Variants in PMCH observed in about 807,000 individuals in gnomAD.
The protein encoded by PMCH is pro-MCH.
In PMCH, 8 loss-of-function variants were observed where a neutral mutation model predicts 15.9. The observed-to-expected ratio is 0.50, with a 90% confidence interval of 0.29 to 0.91. The LOEUF (loss-of-function observed/expected upper bound fraction) is 0.91, where lower values mean the gene tolerates loss of function less well. PMCH is among the 40% of genes least tolerant of loss of function. PMCH has a pLI of 0.07. For missense variants in PMCH, 169 were observed against 185.7 expected, an observed-to-expected ratio of 0.91 and a Z score of 0.52; for synonymous variants, 73 against 63.8, an observed-to-expected ratio of 1.14 and a Z score of -0.69.
intron 2 of PMCH, 86 bp downstream of exon 2, chr12:102,196,887 T>G: frequency 8.2e-7 from 1 of 1,218,346 alleles, no homozygotes; most frequent in Non-Finnish European, 1.2e-6. Flanking sequence ...TTGATTTTGT[T>G]ATGATTGCAT....
Position 102,196,499 on chromosome 12 carries a change from A to G in PMCH, c.*153T>C. On this transcript the variant is annotated 3_prime_UTR_variant, in exon 3 of 3. Transcript: ENST00000329406. ...ACAAAGTTTAATGCACAGAGAAAGCATATCATTTCAGTTACTGATACATCT... is the reference window on the plus strand; with the variant it reads ...ACAAAGTTTAATGCACAGAGAAAGCGTATCATTTCAGTTACTGATACATCT... 1 of 744,838 alleles carries G rather than the reference A, an allele frequency of 1.3e-6. No homozygotes were observed. Among genetic ancestry groups the G allele is most frequent in the Non-Finnish European group, 2.3e-6 (1 of 426,278 alleles). The allele number at this position is 744,838 out of a possible 1,614,324, so 46.1% of individuals were successfully genotyped here.
In PMCH at chr12:102,197,153, T is replaced by G; in HGVS notation, c.268A>C (p.Asn90His). The G allele has an allele frequency of 6.2e-7, 1 of 1,611,636 alleles. No individual in the cohort carries two copies. Among genetic ancestry groups the G allele is most frequent in the Non-Finnish European group, 8.5e-7 (1 of 1,178,276 alleles). Residue 90 changes from asparagine to histidine, a missense_variant, in exon 2 of 3, where the codon AAT becomes CAT. Physicochemically the swap from Asn to His is moderately conservative, Grantham distance 68. Transcript: ENST00000329406. ...KVSKNTGSKHNFLNHGLPLNL... is the reference protein window; with the variant it reads ...KVSKNTGSKHHFLNHGLPLNL... ...AGTGGCAGACCATGATTTAAGAAAT[T>G]ATGTTTGGAGCCTGTGTTCTGTAAA...
rs1891350898 is a variant in PMCH at position 102,196,811 on chromosome 12, G to T, written c.449-110C>A. ...TAACTAATTCTGAGTAAACCAAAATGATAATAATTAATTGTTGCTATTTAA... is the reference window on the plus strand; with the variant it reads ...TAACTAATTCTGAGTAAACCAAAATTATAATAATTAATTGTTGCTATTTAA... On this transcript the variant is annotated intron_variant, in intron 2 of 2. Coordinates refer to ENST00000329406, the MANE Select transcript of PMCH (RefSeq NM_002674.4). 8 of 1,069,060 alleles carry T rather than the reference G, an allele frequency of 7.5e-6. No homozygotes were observed. The South Asian group carries it at 8.2e-5, about 11-fold the overall frequency. The allele number at this position is 1,069,060 out of a possible 1,614,324, so 66.2% of individuals were successfully genotyped here.
rs1282765304 is a variant in PMCH at position 102,197,672 on chromosome 12, T to G, written c.99A>C (p.Leu33Phe). 1 of 1,611,618 alleles carries G rather than the reference T, an allele frequency of 6.2e-7. No homozygotes were observed. Among genetic ancestry groups the G allele is most frequent in the African/African-American group, 1.3e-5 (1 of 74,818 alleles). Residue 33 changes from leucine (L) to phenylalanine (F), a missense_variant, in exon 1 of 3, where the codon TTA becomes TTC. Physicochemically the swap from Leu to Phe is conservative, Grantham distance 22 (BLOSUM62 0). Transcript: ENST00000329406. ...LLSASKSIRN[L>F]DDDMVFNTFR... ...ATGTATTAAATACCATGTCATCATC[T>G]AAATTTCTTATGGACTTGGATGCTG...
Position 102,196,898 on chromosome 12 carries a change from C to G in PMCH, c.448+75G>C, listed in dbSNP as rs1274812493. On this transcript the variant is annotated intron_variant, in intron 2 of 2. Coordinates refer to ENST00000329406, the MANE Select transcript of PMCH (RefSeq NM_002674.4). ...TTATTTGATTTTGTTATGATTGCAT[C>G]CAAATTCACTTTAACTCAGAGTTCT... 16 of 1,307,028 alleles carry G rather than the reference C, an allele frequency of 1.2e-5. No individual in the cohort carries two copies. The East Asian group carries it at 3.5e-4, about 29-fold the overall frequency. The allele number at this position is 1,307,028 out of a possible 1,614,324, so 81.0% of individuals were successfully genotyped here.
chr12:102,197,116 A>T lies in PMCH; in HGVS notation c.305T>A (p.Ile102Lys). 6.2e-7 allele frequency: 1 copy of T among 1,612,332 alleles called. No individual in the cohort carries two copies. Among genetic ancestry groups the T allele is most frequent in the Non-Finnish European group, 8.5e-7 (1 of 1,178,708 alleles). Residue 102 changes from isoleucine to lysine, a missense_variant, in exon 2 of 3, where the codon ATA (isoleucine) becomes AAA (lysine). Physicochemically the swap from Ile to Lys is moderately radical, Grantham distance 102. Coordinates refer to ENST00000329406, the MANE Select transcript of PMCH (RefSeq NM_002674.4). ...LNHGLPLNLA[I>K]KPYLALKGSV... ...TCCTTTTAGTGCAAGATAAGGTTTT[A>T]TAGCCAGATTCAGTGGCAGACCATG...
At position 102,196,670 on chromosome 12, in the gene PMCH, T is replaced by C; in HGVS notation, c.480A>G (p.Arg160=). The part of the protein sequence containing the change: ...MLRCMLGRVY[R]PCWQV Reference sequence around the variant, plus strand: ...ACAGGTATCAGACTTGCCAACAAGGTCGGTAGACTCTTCCCAGCATACATC... The same window carrying C: ...ACAGGTATCAGACTTGCCAACAAGGCCGGTAGACTCTTCCCAGCATACATC... Residue 160 remains arginine, a synonymous_variant, in exon 3 of 3, where the codon CGA becomes CGG. Transcript: ENST00000329406. 6.2e-7 allele frequency: 1 copy of C among 1,610,410 alleles called. No homozygotes were observed. The highest frequency in any genetic ancestry group is 1.7e-5 in the Admixed American group (1 of 59,932).
intron 2 of PMCH, 35 bp downstream of exon 2, chr12:102,196,938 G>T: frequency 6.7e-7 from 1 of 1,501,036 alleles, no homozygotes; most frequent in Non-Finnish European, 9.3e-7. Context: ...AATGGTGGTA[G>T]GATGTAAGAA....
chr12:102,196,773 A>T, intron 2 of PMCH, 72 bp from the exon 3 acceptor site: 1 of 1,249,048 alleles, frequency 8.0e-7, no homozygotes, highest in Non-Finnish European at 1.2e-6. Flanking sequence ...AGAAAAAAAG[A>T]ATGGATCTAG....
At chr12:102,196,800 TA>T in intron 2 of PMCH, 99 bp from the exon 3 acceptor site, 1 of 1,109,170 alleles carries the variant, frequency 9.0e-7, no homozygotes, top group Non-Finnish European at 1.4e-6. Context: ...TAATTCTGAG[TA>T]AACCAAAATG....
chr12:102,196,546 C>A lies in PMCH; in HGVS notation c.*106G>T. On this transcript the variant is annotated 3_prime_UTR_variant, in exon 3 of 3. Coordinates refer to ENST00000329406, the MANE Select transcript of PMCH (RefSeq NM_002674.4). ...ATCTTAACACTACTTTCTTTTAAAACAGACATTTAACATACACAAGTTATA... is the reference window on the plus strand; with the variant it reads ...ATCTTAACACTACTTTCTTTTAAAAAAGACATTTAACATACACAAGTTATA... 1 of 863,236 alleles carries A rather than the reference C, an allele frequency of 1.2e-6. No homozygotes were observed. The highest frequency in any genetic ancestry group is 2.0e-6 in the Non-Finnish European group (1 of 507,806). 53.5% of individuals were successfully genotyped at this position (863,236 alleles called of 1,614,324 possible).
In PMCH at chr12:102,197,083, G is replaced by C; in HGVS notation, c.338C>G (p.Ala113Gly). The C allele has an allele frequency of 6.2e-7, 1 of 1,611,970 alleles. No individual in the cohort carries two copies. Among genetic ancestry groups the C allele is most frequent in the African/African-American group, 1.3e-5 (1 of 74,932 alleles). Residue 113 changes from alanine to glycine, a missense_variant, in exon 2 of 3, where the codon GCT becomes GGT. Coordinates refer to ENST00000329406, the MANE Select transcript of PMCH (RefSeq NM_002674.4). ...CTGAACTCCATTCTCAGCTGGGAAA[G>C]CTACAGATCCTTTTAGTGCAAGATA... ...KPYLALKGSV[A>G]FPAENGVQNT...
chr12:102,197,163 G>T lies in PMCH; in HGVS notation c.258C>A (p.Gly86=), dbSNP rs199733973. The change falls in exon 2 of 3, where the codon GGC becomes GGA. Residue 86 remains glycine, a synonymous_variant. Coordinates refer to ENST00000329406, the MANE Select transcript of PMCH (RefSeq NM_002674.4). ...CATGATTTAAGAAATTATGTTTGGA[G>T]CCTGTGTTCTGTAAAGAGAAGGTTG... ...EEENKVSKNT[G]SKHNFLNHGL... The T allele has an allele frequency of 5.0e-6, 8 of 1,610,926 alleles. 1 individual carries two copies. In the South Asian group the frequency reaches 5.5e-5, roughly 11 times the overall value.
At chr12:102,196,775 T>A (rs1017514123) in intron 2 of PMCH, 74 bp from the exon 3 acceptor site, 5 of 1,232,252 alleles carry the variant, frequency 4.1e-6, no homozygotes, top group African/African-American at 1.5e-5. Context: ...AAAAAAAGAA[T>A]GGATCTAGTA....
chr12:102,197,207 G>T (rs1023648532), intron 1 of PMCH, 36 bp from the exon 2 acceptor site: 1 of 1,440,166 alleles, frequency 6.9e-7, no homozygotes. Context: ...TTTAGCTATC[G>T]TATTCGGAGT....
chr12:102,197,231 A>G, intron 1 of PMCH, 60 bp from the exon 2 acceptor site: 2 of 1,271,272 alleles, frequency 1.6e-6, no homozygotes, highest in East Asian at 4.7e-5. Context: ...ACTATAATAC[A>G]ATTGTATAAT....
intron 1 of PMCH, 74 bp downstream of exon 1, chr12:102,197,446 GTT>G: frequency 7.6e-7 from 1 of 1,317,452 alleles, no homozygotes; most frequent in East Asian, 2.3e-5. Flanking sequence ...AAAAGTATCA[GTT>G]TTACTTTTCA....
At chr12:102,197,501 A>G (rs905206982) in intron 1 of PMCH, 21 bp downstream of exon 1, 2 of 1,578,640 alleles carry the variant, frequency 1.3e-6, no homozygotes, top group Non-Finnish European at 1.7e-6. Context: ...GAAATAAACG[A>G]CAAGTCACAT....
rs772349415 is a variant in PMCH, at chr12:102,196,686, A to G, written c.464T>C (p.Leu155Pro). ...RRDFDMLRCM[L>P]GRVYRPCWQV ...CCAACAAGGTCGGTAGACTCTTCCC[A>G]GCATACATCTGAGCACTGAAGGAAG... Residue 155 changes from leucine (L) to proline (P), a missense_variant, in exon 3 of 3, where the codon CTG (leucine) becomes CCG (proline). Leu to Pro is a moderately conservative substitution (Grantham distance 98, BLOSUM62 -3). Transcript: ENST00000329406. 3 of 1,609,464 alleles carry G rather than the reference A, an allele frequency of 1.9e-6. No homozygotes were observed.
Sources: gnomAD v4.1 joint callset for allele counts on GRCh38, gnomAD v4.1.1 for gene constraint, MANE v1.5 for transcripts, NCBI Gene and HGNC (gene_info 2026-07-23, HGNC 2026-07-21) for gene names.